Variants in TMEM232 observed in about 807,000 individuals in gnomAD.
The protein encoded by TMEM232 is transmembrane protein 232.
Under a neutral mutation model 78.8 loss-of-function variants are expected in TMEM232, and 80 were observed. That is an observed-to-expected ratio of 1.01 (90% confidence interval 0.85 to 1.22). TMEM232 has a LOEUF of 1.22. TMEM232 is among the 50% of genes most tolerant of loss of function. The pLI, the probability that TMEM232 is intolerant of heterozygous loss-of-function variation, is 0.00. For synonymous variants in TMEM232, 297 were observed against 254.3 expected, an observed-to-expected ratio of 1.17 and a Z score of -1.60; for missense variants, 881 against 742.2, an observed-to-expected ratio of 1.19 and a Z score of -2.17.
chr5:110,710,686 C>G (rs1177905956), intron 1 of TMEM232, among the ~76,000 whole-genome samples: 1 of 152,000 alleles, frequency 6.6e-6, no homozygotes, highest in Non-Finnish European at 1.5e-5. Context: ...TAAAAATCAA[C>G]ATCCTTTTAT....
intron 12 of TMEM232, among the ~76,000 whole-genome samples, chr5:110,435,865 G>A (rs146586276): frequency 0.019 from 2,841 of 152,056 alleles, 29 homozygotes; most frequent in South Asian, 0.03. Flanking sequence ...TCTGTTGATG[G>A]ACACTTGGGT....
intron 1 of TMEM232, among the ~76,000 whole-genome samples, chr5:110,716,509 AC>A (rs1443249561): frequency 6.6e-6 from 1 of 152,154 alleles, no homozygotes; most frequent in African/African-American, 2.4e-5. Context: ...TAAGGAGCTC[AC>A]AACCAAGATC....
intron 12 of TMEM232, among the ~76,000 whole-genome samples, chr5:110,499,315 T>C (rs974726437): frequency 6.6e-6 from 1 of 152,150 alleles, no homozygotes; most frequent in African/African-American, 2.4e-5. Flanking sequence ...TTCTTTGAGA[T>C]AGAGTCTCAT....
At chr5:110,539,631 C>T (rs1189429229) in intron 11 of TMEM232, among the ~76,000 whole-genome samples, 2 of 152,192 alleles carry the variant, frequency 1.3e-5, no homozygotes, top group Non-Finnish European at 2.9e-5. Flanking sequence ...GACAGGCCCC[C>T]TTTCTATGCT....
Position 110,499,628 on chromosome 5 carries a change from C to CCCCT in TMEM232, c.1703+28959_1703+28960insAGGG, listed in dbSNP as rs1491378966. ...GAGAGGGGAAAAATATATGTATACA[C>CCCCT]CCCCCCCCACACACACACATATATA... On this transcript the variant is annotated intron_variant, in intron 12 of 13. Coordinates refer to ENST00000455884, the MANE Select transcript of TMEM232 (RefSeq NM_001039763.4). 6.0e-3 allele frequency among the ~76,000 whole-genome samples: 683 copies of CCCCT among 113,480 alleles called. 9 individuals carry two copies. Among genetic ancestry groups the CCCCT allele is most frequent in the African/African-American group, 0.045 (628 of 14,112 alleles). The allele number at this position is 113,480 out of a possible 152,430, so 74.4% of individuals were successfully genotyped here.
At chr5:110,477,503 C>T (rs1763377136) in intron 12 of TMEM232, among the ~76,000 whole-genome samples, 1 of 151,762 alleles carries the variant, frequency 6.6e-6, no homozygotes. Flanking sequence ...TTTTATCTGT[C>T]AGCAAGTTGA....
chr5:110,506,822 A>G (rs1766962702), intron 12 of TMEM232, among the ~76,000 whole-genome samples: 1 of 152,160 alleles, frequency 6.6e-6, no homozygotes, highest in Non-Finnish European at 1.5e-5. Context: ...CTCTTTTAGT[A>G]CTTTCATTTA....
At chr5:110,550,907 G>A (rs1581180652) in intron 11 of TMEM232, among the ~76,000 whole-genome samples, 2 of 146,158 alleles carry the variant, frequency 1.4e-5, no homozygotes, top group Admixed American at 6.8e-5. Context: ...AGATAATCTA[G>A]AACAGGGTTT....
chr5:110,437,440 T>C, intron 12 of TMEM232, among the ~76,000 whole-genome samples: 1 of 151,970 alleles, frequency 6.6e-6, no homozygotes. Context: ...AGCAACAAAA[T>C]GAATTAAACA....
rs189905950 is a variant in TMEM232 at position 110,671,326 on chromosome 5, G to A, written c.-12-3962C>T. ...GAGTGTAAATTAGGTCAACCATTGT[G>A]GAAGACAGTGTGGCGATTCCTCAAG... On this transcript the variant is annotated intron_variant, in intron 1 of 13. Transcript: ENST00000455884. Among the ~76,000 whole-genome samples, 89 of 152,266 alleles carry A rather than the reference G, an allele frequency of 5.8e-4. 1 individual carries two copies. In the East Asian group the frequency reaches 0.013, roughly 21 times the overall value.
chr5:110,447,282 A>T (rs977258248), intron 12 of TMEM232, among the ~76,000 whole-genome samples: 1 of 152,032 alleles, frequency 6.6e-6, no homozygotes, highest in African/African-American at 2.4e-5. Flanking sequence ...GGGAAGAGGG[A>T]ATAGAAACCC....
chr5:110,451,128 T>G lies in TMEM232; in HGVS notation c.1704-26212A>C, dbSNP rs145535394. On this transcript the variant is annotated intron_variant, in intron 12 of 13. Coordinates refer to ENST00000455884, the MANE Select transcript of TMEM232 (RefSeq NM_001039763.4). ...TATCAAGACACTGCTAGTTTAGGAC[T>G]TACTTGTTTCTGGAGCTACTATTAC... Among the ~76,000 whole-genome samples the G allele has an allele frequency of 6.9e-3, 1,046 of 152,286 alleles. 8 individuals carry two copies. The highest frequency in any genetic ancestry group is 0.02 in the South Asian group (97 of 4,828).
At chr5:110,738,210 G>T, upstream of TMEM232, 2 of 1,286,794 alleles carry the variant, frequency 1.6e-6, no homozygotes, top group Non-Finnish European at 2.0e-6. Context: ...TCTGGGGAGG[G>T]AGCCTGGCCC....
At chr5:110,464,090 C>T (rs1338945978) in intron 12 of TMEM232, among the ~76,000 whole-genome samples, 3 of 152,128 alleles carry the variant, frequency 2.0e-5, no homozygotes, top group Non-Finnish European at 2.9e-5. Flanking sequence ...TTTTTCATAC[C>T]ATTACTTGAA....
intron 1 of TMEM232, among the ~76,000 whole-genome samples, chr5:110,674,882 T>C (rs969921561): frequency 1.3e-5 from 2 of 152,190 alleles, no homozygotes; most frequent in African/African-American, 2.4e-5. Context: ...ACTTCAGCAA[T>C]TGCTTTACCA....
chr5:110,596,724 A>C lies in TMEM232; in HGVS notation c.1276+8385T>G, dbSNP rs578114736. Among the ~76,000 whole-genome samples, 37 of 152,332 alleles carry C rather than the reference A, an allele frequency of 2.4e-4. No individual in the cohort carries two copies. In the East Asian group the frequency reaches 5.6e-3, roughly 23 times the overall value. ...GCTGGTTCAATATACGCTAATCAAT[A>C]AATGTAATCCAGCATATAAACAGAG... On this transcript the variant is annotated intron_variant, in intron 10 of 13. Transcript: ENST00000455884.
At position 110,451,680 on chromosome 5, in the gene TMEM232, A is replaced by G. The variant is rs952408032; in HGVS notation, c.1704-26764T>C. Among the ~76,000 whole-genome samples, 28 of 152,092 alleles carry G rather than the reference A, an allele frequency of 1.8e-4. 1 individual carries two copies. The highest frequency in any genetic ancestry group is 3.2e-3 in the Middle Eastern group (1 of 316). ...TAAAGTTTAACTTAGGTGCCTTGCT[A>G]TCAATTAAACATTTACTAATTTCTT... On this transcript the variant is annotated intron_variant, in intron 12 of 13. Coordinates refer to ENST00000455884, the MANE Select transcript of TMEM232 (RefSeq NM_001039763.4).
At chr5:110,438,193 C>T (rs200618077) in intron 12 of TMEM232, among the ~76,000 whole-genome samples, 1 of 127,326 alleles carries the variant, frequency 7.9e-6, no homozygotes, top group South Asian at 2.4e-4. Flanking sequence ...TGAGTAAATT[C>T]AACTCCAAAC....
intron 11 of TMEM232, among the ~76,000 whole-genome samples, chr5:110,565,765 G>A (rs1776271721): frequency 6.6e-6 from 1 of 151,832 alleles, no homozygotes; most frequent in Non-Finnish European, 1.5e-5. Flanking sequence ...AGGTTAGTGT[G>A]TCAATAACAA....
Sources: gnomAD v4.1 joint callset for allele counts (sites outside exome capture counted in the v4.1 genomes callset) on GRCh38, gnomAD v4.1.1 for gene constraint, MANE v1.5 for transcripts, NCBI Gene and HGNC (gene_info 2026-07-23, HGNC 2026-07-21) for gene names.